ASCC2: variants seen among roughly 807,000 people sequenced by gnomAD.
ASCC2 encodes ASC-1 complex subunit P100.
In ASCC2, 42 loss-of-function variants were observed where a neutral mutation model predicts 93.5. The observed-to-expected ratio is 0.45, with a 90% CI of 0.35 to 0.58. ASCC2 has a LOEUF of 0.58. ASCC2 is among the 20% of genes least tolerant of loss of function. The probability of loss-of-function intolerance (pLI) is 0.00; values close to 1 mark genes in which losing one functional copy is unlikely to be tolerated. For missense variants in ASCC2, 859 were observed against 977.6 expected (o/e 0.88, Z 1.62); for synonymous variants, 364 against 384.2 (o/e 0.95, Z 0.62).
chr22:29,822,482 G>C lies in ASCC2; in HGVS notation c.412-18C>G. On this transcript the variant is annotated intron_variant, in intron 4 of 19. Coordinates refer to ENST00000307790, the MANE Select transcript of ASCC2 (RefSeq NM_032204.5). ...AAGTGATCCTAAGGAAAAATGCAGA[G>C]AGAAAGGATAGAGATTTTCTGAACA... 6.2e-7 allele frequency: 1 copy of C among 1,612,792 alleles called. No homozygotes were observed. Among genetic ancestry groups the C allele is most frequent in the Non-Finnish European group, 8.5e-7 (1 of 1,179,470 alleles).
chr22:29,802,512 A>C (rs1238043346), intron 13 of ASCC2, among the ~76,000 whole-genome samples: 1 of 152,222 alleles, frequency 6.6e-6, no homozygotes, highest in African/African-American at 2.4e-5. Context: ...AAATAAAAAA[A>C]ATTTAAGGCC....
chr22:29,822,167 C>G, intron 5 of ASCC2, 168 bp downstream of exon 5: 2 of 789,650 alleles, frequency 2.5e-6, no homozygotes, highest in East Asian at 5.2e-5. Flanking sequence ...GTGTCACTAC[C>G]TAGTCATTTT....
Position 29,832,327 on chromosome 22 carries a change from G to T in ASCC2, c.-2C>A. On this transcript the variant is annotated 5_prime_UTR_variant, in exon 2 of 20. Coordinates refer to ENST00000307790, the MANE Select transcript of ASCC2 (RefSeq NM_032204.5). ...TTGGTCCAGGGGCAGAGCTGGCATT[G>T]TGCTGCGTGACCCTCCTGAAAGGAA... 2 of 1,613,148 alleles carry T rather than the reference G, an allele frequency of 1.2e-6. No homozygotes were observed. The highest frequency in any genetic ancestry group is 2.2e-5 in the East Asian group (1 of 44,862).
intron 2 of ASCC2, among the ~76,000 whole-genome samples, chr22:29,826,353 G>A (rs1339239605): frequency 2.6e-5 from 4 of 151,314 alleles, no homozygotes; most frequent in Non-Finnish European, 5.9e-5. Flanking sequence ...TCTCACTCCC[G>A]TTGCCCAGGC....
At chr22:29,803,638 A>G (rs2059353209) in intron 13 of ASCC2, among the ~76,000 whole-genome samples, 2 of 152,168 alleles carry the variant, frequency 1.3e-5, no homozygotes, top group South Asian at 4.1e-4. Context: ...CTCCCCTTTA[A>G]TTACAATCTC....
chr22:29,831,327 C>T (rs182880309), intron 2 of ASCC2, among the ~76,000 whole-genome samples: 1 of 152,306 alleles, frequency 6.6e-6, no homozygotes, highest in Admixed American at 6.5e-5. Context: ...CCCTGATTTC[C>T]TAATTCTGTG....
At chr22:29,806,681 A>C (rs2059709599) in intron 10 of ASCC2, 116 bp downstream of exon 10, 1 of 1,422,536 alleles carries the variant, frequency 7.0e-7, no homozygotes, top group South Asian at 1.2e-5. Context: ...TTGGTTTCTC[A>C]TCTCTGTTCA....
intron 5 of ASCC2, 193 bp downstream of exon 5, chr22:29,822,142 C>A: frequency 1.5e-6 from 1 of 688,450 alleles, no homozygotes; most frequent in South Asian, 1.8e-5. Flanking sequence ...AGTTTTATTT[C>A]CACCTCCCTA....
At chr22:29,815,901 A>G in intron 6 of ASCC2, 105 bp downstream of exon 6, 2 of 949,350 alleles carry the variant, frequency 2.1e-6, no homozygotes, top group Non-Finnish European at 3.3e-6. Flanking sequence ...TCAGGGAATA[A>G]ACATTTCCTC....
chr22:29,802,115 C>CA lies in ASCC2; in HGVS notation c.1446dup (p.Gly483TrpfsTer2). The CA allele has an allele frequency of 6.2e-7, 1 of 1,614,226 alleles. No individual in the cohort carries two copies. The highest frequency in any genetic ancestry group is 8.5e-7 in the Non-Finnish European group (1 of 1,180,032). On this transcript the variant is annotated frameshift_variant, in exon 14 of 20. Transcript: ENST00000307790. LOFTEE classifies it high-confidence loss of function. ...AGGCAGGCCAGGATGAAGCCCTCAC[C>CA]AAGGTCTGGCAGCAGGTCCTTCACT...
At chr22:29,805,430 C>T (rs1434828647) in intron 12 of ASCC2, among the ~76,000 whole-genome samples, 3 of 152,180 alleles carry the variant, frequency 2.0e-5, no homozygotes, top group Non-Finnish European at 4.4e-5. Flanking sequence ...TCCTCACTGG[C>T]CCGAGCCTCA....
chr22:29,822,972 G>C (rs758985329), intron 4 of ASCC2, among the ~76,000 whole-genome samples: 11 of 151,704 alleles, frequency 7.3e-5, no homozygotes, highest in Non-Finnish European at 1.5e-4. Context: ...AGCTTGCCTC[G>C]GCCTCCCAAA....
intron 12 of ASCC2, 77 bp from the exon 13 acceptor site, chr22:29,804,907 T>G: frequency 6.8e-7 from 1 of 1,469,396 alleles, no homozygotes; most frequent in Non-Finnish European, 9.4e-7. Flanking sequence ...CTCCCCAGCA[T>G]CTGACCACAT....
At chr22:29,819,454 A>G (rs1180125897) in intron 5 of ASCC2, among the ~76,000 whole-genome samples, 1 of 151,992 alleles carries the variant, frequency 6.6e-6, no homozygotes, top group Non-Finnish European at 1.5e-5. Flanking sequence ...GAGCCACCAC[A>G]CCCAGCCTCA....
At position 29,830,858 on chromosome 22, in the gene ASCC2, G is replaced by T. The variant is rs188427870; in HGVS notation, c.81+1387C>A. Among the ~76,000 whole-genome samples, 13 of 152,338 alleles carry T rather than the reference G, an allele frequency of 8.5e-5. No individual in the cohort carries two copies. In the East Asian group the frequency reaches 2.3e-3, roughly 27 times the overall value. On this transcript the variant is annotated intron_variant, in intron 2 of 19. Transcript: ENST00000307790. ...TGGCACTGGAAATCAGGAGTAAAGG[G>T]CAAGGACCAGGCCATCGCTCTCACA... is the stretch of plus-strand genomic sequence containing the variant.
rs1452969989 is a variant in ASCC2, at chr22:29,802,133, C to G, written c.1429G>C (p.Asp477His). The G allele has an allele frequency of 1.8e-5, 29 of 1,614,092 alleles. No homozygotes were observed. Among genetic ancestry groups the G allele is most frequent in the Non-Finnish European group, 2.4e-5 (28 of 1,180,042 alleles). ...CCCTCACCAAGGTCTGGCAGCAGGT[C>G]CTTCACTTGGGAGATGAGAGAGTCC... is the stretch of plus-strand genomic sequence containing the variant. ...ELDSLISQVK[D>H]LLPDLGEGFI... The change falls in exon 14 of 20, where the codon GAC (aspartate) becomes CAC (histidine). Residue 477 changes from aspartate to histidine, a missense_variant. Transcript: ENST00000307790.
chr22:29,806,380 G>A (rs557537308), intron 11 of ASCC2, 90 bp from the exon 12 acceptor site: 109 of 1,566,110 alleles, frequency 7.0e-5, no homozygotes, highest in African/African-American at 5.3e-4. Flanking sequence ...TTTGCAGCCC[G>A]ACCTTATTAG....
chr22:29,833,566 A>C, intron 1 of ASCC2: 1 of 471,026 alleles, frequency 2.1e-6, no homozygotes, highest in Non-Finnish European at 4.4e-6. Flanking sequence ...TGGCAGATCC[A>C]AGGTCTCCTG....
Position 29,818,656 on chromosome 22 carries a change from C to G in ASCC2, c.542-2583G>C, listed in dbSNP as rs534521403. Among the ~76,000 whole-genome samples, 9 of 152,212 alleles carry G rather than the reference C, an allele frequency of 5.9e-5. No homozygotes were observed. In the East Asian group the frequency reaches 1.7e-3, roughly 29 times the overall value. The stretch of plus-strand genomic sequence containing the variant: ...CATTTTTCTGGACAGAAGTTTTCAT[C>G]TGATTCTCAAAGCAGTCAGTGATCT... On this transcript the variant is annotated intron_variant, in intron 5 of 19. Coordinates refer to ENST00000307790, the MANE Select transcript of ASCC2 (RefSeq NM_032204.5).
Sources: allele counts gnomAD v4.1 joint callset (sites outside exome capture counted in the v4.1 genomes callset), GRCh38; gene constraint gnomAD v4.1.1; transcripts MANE v1.5; gene names NCBI Gene and HGNC (gene_info 2026-07-23, HGNC 2026-07-21).